Variants in TBC1D32 observed in about 807,000 individuals in gnomAD.
TBC1D32 encodes the protein TBC1 domain family member 32, also known as protein broad-minded.
A neutral mutation model predicts 170.3 loss-of-function variants in TBC1D32; 151 were observed. That is an observed-to-expected ratio of 0.89 (90% CI 0.78 to 1.01). TBC1D32 has a LOEUF of 1.01. Among genes scored for constraint, TBC1D32 ranks in the 50% least tolerant of loss-of-function variants. TBC1D32 has a pLI of 0.00. For missense variants in TBC1D32, 1,464 were observed against 1,457.1 expected (o/e 1.00, Z -0.08); for synonymous variants, 498 against 488.0 (o/e 1.02, Z -0.27).
chr6:121,208,596 T>C (rs1187634852), intron 21 of TBC1D32, among the ~76,000 whole-genome samples: 1 of 151,800 alleles, frequency 6.6e-6, no homozygotes, highest in Non-Finnish European at 1.5e-5. Context: ...ATTACCAAAG[T>C]AGACCTTTAA....
chr6:121,090,175 G>A (rs992255176), intron 31 of TBC1D32, among the ~76,000 whole-genome samples: 6 of 152,022 alleles, frequency 3.9e-5, no homozygotes, highest in African/African-American at 1.4e-4. Flanking sequence ...CTTGTGATCC[G>A]CCCGTCTCGG....
chr6:121,100,773 C>T (rs924207915), intron 30 of TBC1D32, among the ~76,000 whole-genome samples: 5 of 152,034 alleles, frequency 3.3e-5, no homozygotes, highest in Non-Finnish European at 4.4e-5. Context: ...ACAAAAAACC[C>T]TTCAAAAAAT....
chr6:121,218,821 G>A (rs1794150747), intron 21 of TBC1D32, among the ~76,000 whole-genome samples: 1 of 152,118 alleles, frequency 6.6e-6, no homozygotes, highest in South Asian at 2.1e-4. Flanking sequence ...GTTATCATGA[G>A]ATATGATGGT....
chr6:121,081,724 A>C (rs988963402), intron 31 of TBC1D32, among the ~76,000 whole-genome samples: 1 of 152,060 alleles, frequency 6.6e-6, no homozygotes, highest in African/African-American at 2.4e-5. Flanking sequence ...GTTTATACAG[A>C]AGAAACCTCA....
intron 22 of TBC1D32, among the ~76,000 whole-genome samples, chr6:121,161,966 C>T (rs1785733172): frequency 6.6e-6 from 1 of 152,134 alleles, no homozygotes; most frequent in Admixed American, 6.5e-5. Flanking sequence ...TGTTTGTTGG[C>T]CACATGTATG....
At chr6:121,296,847 T>C (rs1805711326) in intron 10 of TBC1D32, among the ~76,000 whole-genome samples, 1 of 152,216 alleles carries the variant, frequency 6.6e-6, no homozygotes, top group African/African-American at 2.4e-5. Flanking sequence ...TCTTAAGAAT[T>C]AGAAGACAAA....
At chr6:121,148,165 G>A (rs1195078519) in intron 24 of TBC1D32, among the ~76,000 whole-genome samples, 2 of 151,916 alleles carry the variant, frequency 1.3e-5, no homozygotes, top group Non-Finnish European at 2.9e-5. Flanking sequence ...GCCCCAGTGT[G>A]TGATGTTCCC....
intron 7 of TBC1D32, 43 bp downstream of exon 7, chr6:121,304,479 A>G (rs759521355): frequency 1.2e-6 from 2 of 1,602,730 alleles, no homozygotes; most frequent in Non-Finnish European, 1.7e-6. Flanking sequence ...CAAATATAAA[A>G]CTAAATAAAT....
intron 30 of TBC1D32, among the ~76,000 whole-genome samples, chr6:121,095,054 A>G (rs893927327): frequency 2.0e-5 from 3 of 152,190 alleles, no homozygotes; most frequent in Non-Finnish European, 2.9e-5. Context: ...AAAAAATGCT[A>G]TTATCAATAG....
At chr6:121,101,312 G>C (rs1231711145) in intron 30 of TBC1D32, among the ~76,000 whole-genome samples, 1 of 152,086 alleles carries the variant, frequency 6.6e-6, no homozygotes, top group Non-Finnish European at 1.5e-5. Flanking sequence ...CAATATCCCT[G>C]ATGAACATGG....
intron 5 of TBC1D32, among the ~76,000 whole-genome samples, chr6:121,305,536 T>TGGG (rs148545247): frequency 7.3e-5 from 11 of 151,606 alleles, no homozygotes; most frequent in Admixed American, 4.6e-4. Context: ...TAGTCTAATC[T>TGGG]GGGGGGGGAT....
intron 15 of TBC1D32, among the ~76,000 whole-genome samples, chr6:121,258,180 CTGTTA>C (rs1284073400): frequency 6.6e-6 from 1 of 151,948 alleles, no homozygotes; most frequent in Non-Finnish European, 1.5e-5. Flanking sequence ...CTTATTTGCT[CTGTTA>C]TAATTATGTA....
chr6:121,158,547 T>C (rs923221862), intron 24 of TBC1D32, among the ~76,000 whole-genome samples: 11 of 152,114 alleles, frequency 7.2e-5, no homozygotes, highest in Non-Finnish European at 1.5e-4. Flanking sequence ...GCTGGGAAAC[T>C]AGTGCATTTG....
chr6:121,085,250 T>TATACAC (rs1554222445), intron 31 of TBC1D32, among the ~76,000 whole-genome samples: 2 of 142,680 alleles, frequency 1.4e-5, no homozygotes, highest in African/African-American at 5.4e-5. Context: ...TACATACGTA[T>TATACAC]ATATATACAC....
rs139655615 is a variant in TBC1D32, at chr6:121,114,077, G to A, written c.3054-900C>T. Reference sequence around the variant, plus strand: ...TAATCCCAGCTACTCAGCAGCCTGAGGCAGGAGAATCACCTGAACCTGGGA... The same window carrying A: ...TAATCCCAGCTACTCAGCAGCCTGAAGCAGGAGAATCACCTGAACCTGGGA... On this transcript the variant is annotated intron_variant, in intron 27 of 31. Coordinates refer to ENST00000398212, the MANE Select transcript of TBC1D32 (RefSeq NM_152730.6). Among the ~76,000 whole-genome samples, 432 of 152,232 alleles carry A rather than the reference G, an allele frequency of 2.8e-3. 1 individual carries two copies. Among genetic ancestry groups the A allele is most frequent in the African/African-American group, 9.6e-3 (398 of 41,550 alleles).
intron 21 of TBC1D32, among the ~76,000 whole-genome samples, chr6:121,219,218 G>A (rs1273475041): frequency 2.0e-5 from 3 of 152,142 alleles, no homozygotes; most frequent in Admixed American, 1.3e-4. Flanking sequence ...GGGGAAGAAA[G>A]CAAACTACAG....
chr6:121,133,395 C>A (rs1286684252), intron 24 of TBC1D32, among the ~76,000 whole-genome samples: 1 of 151,822 alleles, frequency 6.6e-6, no homozygotes, highest in Non-Finnish European at 1.5e-5. Flanking sequence ...ATATAATAAT[C>A]AAGACAATAT....
At chr6:121,082,608 T>C (rs1404143516) in intron 31 of TBC1D32, among the ~76,000 whole-genome samples, 2 of 151,990 alleles carry the variant, frequency 1.3e-5, no homozygotes, top group East Asian at 1.9e-4. Flanking sequence ...CGAATTATAA[T>C]AGGAGATGAC....
chr6:121,275,680 T>G (rs965681006), intron 15 of TBC1D32, among the ~76,000 whole-genome samples: 1 of 152,080 alleles, frequency 6.6e-6, no homozygotes, highest in Non-Finnish European at 1.5e-5. Flanking sequence ...ATTCAACTAT[T>G]TTGAAAAGTA....
Sources: gnomAD v4.1 joint callset for allele counts (sites outside exome capture counted in the v4.1 genomes callset) on GRCh38, gnomAD v4.1.1 for gene constraint, MANE v1.5 for transcripts, NCBI Gene and HGNC (gene_info 2026-07-23, HGNC 2026-07-21) for gene names.